The following ADGRL3 variants were observed in gnomAD, a reference collection of about 807,000 sequenced individuals.
ADGRL3 encodes the protein calcium-independent alpha-latrotoxin receptor 3.
A neutral mutation model predicts 153.5 loss-of-function variants in ADGRL3; 62 were observed. That is an observed-to-expected ratio of 0.40 (90% CI 0.33 to 0.50). The LOEUF is 0.50. ADGRL3 is among the 20% of genes least tolerant of loss of function. ADGRL3 has a pLI of 0.47. For synonymous variants in ADGRL3, 710 were observed against 672.5 expected (o/e 1.06, Z -0.86); for missense variants, 1,641 against 1,859.4 (o/e 0.88, Z 2.16).
At chr4:61,285,492 A>G (rs1560425986) in intron 1 of ADGRL3, among the ~76,000 whole-genome samples, 1 of 151,720 alleles carries the variant, frequency 6.6e-6, no homozygotes, top group Admixed American at 6.6e-5. Context: ...TCATGTATTT[A>G]TATATTTTTT....
chr4:61,844,936 A>G (rs1379315715), intron 9 of ADGRL3, among the ~76,000 whole-genome samples: 1 of 152,120 alleles, frequency 6.6e-6, no homozygotes, highest in Non-Finnish European at 1.5e-5. Context: ...CAGAACCATT[A>G]GTTCCTACAT....
chr4:61,934,338 A>G (rs2098829531), intron 13 of ADGRL3, among the ~76,000 whole-genome samples: 1 of 152,202 alleles, frequency 6.6e-6, no homozygotes, highest in South Asian at 2.1e-4. Context: ...CTGGCTAAAA[A>G]CAAATAGGTT....
At position 61,745,718 on chromosome 4, in the gene ADGRL3, A is replaced by G. The variant is rs1002915027; in HGVS notation, c.1399+12164A>G. Among the ~76,000 whole-genome samples, 16 of 152,344 alleles carry G rather than the reference A, an allele frequency of 1.1e-4. No individual in the cohort carries two copies. In the South Asian group the frequency reaches 2.9e-3, roughly 28 times the overall value. ...AGAGCTCCTGAAGGAAGCACTAAAC[A>G]TGGAAAGGAACAACTGGTACCAGCC... On this transcript the variant is annotated intron_variant, in intron 8 of 26. Transcript: ENST00000683033.
chr4:61,979,912 A>G lies in ADGRL3; in HGVS notation c.3015+140A>G, dbSNP rs1046649641. 8.3e-5 allele frequency: 60 copies of G among 720,470 alleles called. No homozygotes were observed. The African/African-American group carries it at 9.7e-4, about 12-fold the overall frequency. 44.6% of individuals were successfully genotyped at this position (720,470 alleles called of 1,614,324 possible). A position where few individuals can be genotyped will look rare whatever the true frequency, so the allele number is the denominator to read the frequency against. Reference sequence around the variant, plus strand: ...AGATACTAATTTTCAGGCCTTACTCAGTTTTCCATTTTTCATATCCCATTG... The same window carrying G: ...AGATACTAATTTTCAGGCCTTACTCGGTTTTCCATTTTTCATATCCCATTG... On this transcript the variant is annotated intron_variant, in intron 18 of 26. Coordinates refer to ENST00000683033, the MANE Select transcript of ADGRL3 (RefSeq NM_001387552.1).
intron 4 of ADGRL3, among the ~76,000 whole-genome samples, chr4:61,544,901 C>A (rs1455407241): frequency 6.6e-6 from 1 of 152,102 alleles, no homozygotes; most frequent in African/African-American, 2.4e-5. Context: ...TTAATACTTT[C>A]ATTAACAAGT....
chr4:61,760,054 A>T (rs1481758960), intron 8 of ADGRL3, among the ~76,000 whole-genome samples: 1 of 152,146 alleles, frequency 6.6e-6, no homozygotes, highest in African/African-American at 2.4e-5. Context: ...AGGAGTACCC[A>T]GCCGTGTGAG....
At chr4:61,340,920 A>G (rs992223491) in intron 1 of ADGRL3, among the ~76,000 whole-genome samples, 18 of 151,912 alleles carry the variant, frequency 1.2e-4, no homozygotes, top group Admixed American at 9.9e-4. Context: ...AAAACTATTG[A>G]ATAAATATTA....
At chr4:61,878,721 G>A (rs528150983) in intron 9 of ADGRL3, among the ~76,000 whole-genome samples, 1 of 152,226 alleles carries the variant, frequency 6.6e-6, no homozygotes, top group Non-Finnish European at 1.5e-5. Context: ...TGCTGCTCAA[G>A]ACATTGAGAG....
chr4:61,754,056 G>A (rs983473080), intron 8 of ADGRL3, among the ~76,000 whole-genome samples: 2 of 152,144 alleles, frequency 1.3e-5, no homozygotes, highest in African/African-American at 4.8e-5. Flanking sequence ...CACATGTAAG[G>A]CTGAGAATTC....
intron 6 of ADGRL3, among the ~76,000 whole-genome samples, chr4:61,690,082 G>A (rs1204693688): frequency 6.6e-6 from 1 of 152,034 alleles, no homozygotes; most frequent in Non-Finnish European, 1.5e-5. Flanking sequence ...ATCTTTTCTG[G>A]GCGTAGTTTT....
chr4:61,395,834 A>G (rs2096862262), intron 2 of ADGRL3, among the ~76,000 whole-genome samples: 1 of 151,986 alleles, frequency 6.6e-6, no homozygotes, highest in African/African-American at 2.4e-5. Flanking sequence ...TTAATATAAA[A>G]CAATTTGGAA....
chr4:61,425,875 C>T (rs2097272998), intron 2 of ADGRL3, among the ~76,000 whole-genome samples: 1 of 152,232 alleles, frequency 6.6e-6, no homozygotes. Flanking sequence ...AGTCCATGGC[C>T]AAAGCCAGGT....
chr4:61,487,062 C>T (rs2098203317), intron 2 of ADGRL3, among the ~76,000 whole-genome samples: 1 of 152,180 alleles, frequency 6.6e-6, no homozygotes, highest in African/African-American at 2.4e-5. Context: ...TAGGTCTTCA[C>T]CTCACTCCAT....
chr4:61,465,673 T>C (rs1286632675), intron 2 of ADGRL3, among the ~76,000 whole-genome samples: 1 of 149,776 alleles, frequency 6.7e-6, no homozygotes, highest in Non-Finnish European at 1.5e-5. Context: ...TTAATTTTTC[T>C]GTTGATAAGT....
At chr4:61,753,473 T>C (rs75942816) in intron 8 of ADGRL3, among the ~76,000 whole-genome samples, 13,217 of 152,132 alleles carry the variant, frequency 0.087, 1,202 homozygotes, top group African/African-American at 0.23. Context: ...CCAGTCTCAA[T>C]GTCCAGGGCT....
At chr4:61,742,860 G>T (rs1263245125) in intron 8 of ADGRL3, among the ~76,000 whole-genome samples, 1 of 152,018 alleles carries the variant, frequency 6.6e-6, no homozygotes, top group East Asian at 1.9e-4. Context: ...AAGAATTCTG[G>T]CTGCTTTTCA....
intron 8 of ADGRL3, among the ~76,000 whole-genome samples, chr4:61,764,645 A>G (rs1208320237): frequency 6.6e-6 from 1 of 152,152 alleles, no homozygotes; most frequent in Non-Finnish European, 1.5e-5. Context: ...ATCTGGGCTT[A>G]TAGGTGCAGG....
At chr4:61,432,500 C>T (rs1440721955) in intron 2 of ADGRL3, among the ~76,000 whole-genome samples, 1 of 151,704 alleles carries the variant, frequency 6.6e-6, no homozygotes, top group African/African-American at 2.4e-5. Flanking sequence ...TATGAAGTTG[C>T]TAATTTCTTA....
intron 8 of ADGRL3, among the ~76,000 whole-genome samples, chr4:61,740,997 A>T (rs59505260): frequency 6.6e-6 from 1 of 152,150 alleles, no homozygotes; most frequent in Admixed American, 6.5e-5. Context: ...GTGCATTTGT[A>T]TCTCCAGTAA....
Sources: gnomAD v4.1 joint callset for allele counts (sites outside exome capture counted in the v4.1 genomes callset) on GRCh38, gnomAD v4.1.1 for gene constraint, MANE v1.5 for transcripts, NCBI Gene and HGNC (gene_info 2026-07-23, HGNC 2026-07-21) for gene names.